The following CGGBP1 variants were observed in gnomAD, a reference collection of about 807,000 sequenced individuals.
CGGBP1 encodes the protein CGG triplet repeat-binding protein 1.
In CGGBP1, 4 loss-of-function variants were observed where a neutral mutation model predicts 11.4. The observed-to-expected ratio is 0.35, with a 90% CI of 0.17 to 0.80. The LOEUF (loss-of-function observed/expected upper bound fraction) is 0.80. CGGBP1 is among the 30% of genes least tolerant of loss of function. The pLI is 0.52. For synonymous variants in CGGBP1, 76 were observed against 74.1 expected (o/e 1.03, Z -0.13); for missense variants, 135 against 202.1 (o/e 0.67, Z 2.01).
intron 1 of CGGBP1, among the ~76,000 whole-genome samples, chr3:88,145,507 A>G (rs1216658640): frequency 6.6e-6 from 1 of 152,092 alleles, no homozygotes; most frequent in Non-Finnish European, 1.5e-5. Flanking sequence ...TATTTGGACA[A>G]AGTTATTGGG....
chr3:88,060,700 A>G (rs1706824104), upstream of CGGBP1, among the ~76,000 whole-genome samples: 1 of 152,200 alleles, frequency 6.6e-6, no homozygotes, highest in African/African-American at 2.4e-5. Flanking sequence ...TCGTTCTGAT[A>G]ACAAGTAGGA....
intron 2 of CGGBP1, among the ~76,000 whole-genome samples, chr3:88,068,839 C>G (rs1403610089): frequency 1.3e-5 from 2 of 152,142 alleles, no homozygotes; most frequent in Admixed American, 1.3e-4. Context: ...ATGTGATAAT[C>G]AGACTGTAAC....
In CGGBP1 at chr3:88,088,761, TATGG is replaced by T. The variant is rs931246026; in HGVS notation, c.-228-30542_-228-30539del. 9.0e-3 allele frequency among the ~76,000 whole-genome samples: 1,142 copies of T among 126,472 alleles called. 8 individuals carry two copies. The highest frequency in any genetic ancestry group is 0.017 in the African/African-American group (554 of 33,430). 83.0% of individuals were successfully genotyped at this position (126,472 alleles called of 152,430 possible). On this transcript the variant is annotated intron_variant, in intron 2 of 3. Coordinates refer to the CGGBP1 transcript ENST00000462901. Reference sequence around the variant, plus strand: ...ACCTTTATTTATGTATGTATGTATGTATGGATGGATGGATGGATGGATGGATGGA... The same window carrying T: ...ACCTTTATTTATGTATGTATGTATGTATGGATGGATGGATGGATGGATGGA...
chr3:88,085,810 T>C (rs1708308891), intron 2 of CGGBP1, among the ~76,000 whole-genome samples: 1 of 152,228 alleles, frequency 6.6e-6, no homozygotes, highest in Non-Finnish European at 1.5e-5. Context: ...TATCATGTCA[T>C]ATATCTTTTG....
In CGGBP1 at chr3:88,140,508, G is replaced by C. The variant is rs768000896; in HGVS notation, c.-229+462C>G. ...AGTTCAGAATGGAAACGAACGTTCT[G>C]ATGACACTGTTTCAAATATAAGCTT... is the stretch of plus-strand genomic sequence containing the variant. On this transcript the variant is annotated intron_variant, in intron 2 of 3. Transcript: ENST00000462901. The C allele has an allele frequency of 3.1e-5, 50 of 1,613,628 alleles. No homozygotes were observed. The Admixed American group carries it at 5.8e-4, about 19-fold the overall frequency.
chr3:88,057,198 T>C lies in CGGBP1; in HGVS notation c.-31A>G, dbSNP rs527790025. ...TATTCCATGAATACATACTAGAGAATAGCTGGGTAACATGAACTCTCTTTC... is the reference window on the plus strand; with the variant it reads ...TATTCCATGAATACATACTAGAGAACAGCTGGGTAACATGAACTCTCTTTC... On this transcript the variant is annotated 5_prime_UTR_variant, in exon 3 of 4. Coordinates refer to ENST00000482016, the MANE Select transcript of CGGBP1 (RefSeq NM_001008390.2). 22 of 152,334 alleles carry C rather than the reference T, an allele frequency of 1.4e-4. No homozygotes were observed. The highest frequency in any genetic ancestry group is 5.3e-4 in the African/African-American group (22 of 41,580). 9.4% of individuals were successfully genotyped at this position (152,334 alleles called of 1,614,324 possible).
chr3:88,129,063 A>G, intron 2 of CGGBP1: 1 of 1,356,104 alleles, frequency 7.4e-7, no homozygotes, highest in African/African-American at 1.5e-5. Context: ...TACCAAAAAA[A>G]AACCAAAAAA....
chr3:88,082,274 G>A (rs575341317), intron 2 of CGGBP1, among the ~76,000 whole-genome samples: 13 of 152,094 alleles, frequency 8.5e-5, no homozygotes, highest in East Asian at 5.8e-4. Flanking sequence ...CTACAGGCGC[G>A]TGCCACCACG....
In CGGBP1 at chr3:88,088,740, TTATTTATG is replaced by T. The variant is rs1346975791; in HGVS notation, c.-228-30525_-228-30518del. Among the ~76,000 whole-genome samples, 73 of 94,812 alleles carry T rather than the reference TTATTTATG, an allele frequency of 7.7e-4. No homozygotes were observed. In the South Asian group the frequency reaches 0.023, roughly 30 times the overall value. The allele number at this position is 94,812 out of a possible 152,430, so 62.2% of individuals were successfully genotyped here. ...AGTGAGGCAGTTTAAAAAAAAACCTTTATTTATGTATGTATGTATGTATGGATGGATGG... is the reference window on the plus strand; with the variant it reads ...AGTGAGGCAGTTTAAAAAAAAACCTTTATGTATGTATGTATGGATGGATGG... On this transcript the variant is annotated intron_variant, in intron 2 of 3. Transcript: ENST00000462901.
chr3:88,068,640 A>G (rs9821517), intron 2 of CGGBP1, among the ~76,000 whole-genome samples: 119,211 of 152,178 alleles, frequency 0.78, 47,617 homozygotes, highest in South Asian at 0.91. Context: ...TGCTTTATAT[A>G]TGTATATGCT....
intron 2 of CGGBP1, among the ~76,000 whole-genome samples, chr3:88,117,140 G>A (rs889721783): frequency 1.3e-5 from 2 of 152,264 alleles, no homozygotes; most frequent in South Asian, 2.1e-4. Flanking sequence ...CAAATTGAAA[G>A]TACAGTGAAG....
intron 2 of CGGBP1, among the ~76,000 whole-genome samples, chr3:88,088,804 G>T (rs1213890784): frequency 6.7e-6 from 1 of 149,450 alleles, no homozygotes; most frequent in East Asian, 2.0e-4. Flanking sequence ...ATGGAGTCTG[G>T]CTCTGTCGCC....
chr3:88,098,193 C>CT (rs1295147649), intron 2 of CGGBP1, among the ~76,000 whole-genome samples: 7 of 152,278 alleles, frequency 4.6e-5, no homozygotes, highest in Admixed American at 4.6e-4. Context: ...TCAGAGAATA[C>CT]TATAAACACC....
At chr3:88,063,149 C>G (rs1235303357), upstream of CGGBP1, among the ~76,000 whole-genome samples, 1 of 152,114 alleles carries the variant, frequency 6.6e-6, no homozygotes, top group African/African-American at 2.4e-5. Flanking sequence ...CTGCTGACAT[C>G]TAGTGCATGG....
upstream of CGGBP1, among the ~76,000 whole-genome samples, chr3:88,062,607 GT>G (rs1283272075): frequency 6.6e-6 from 1 of 152,070 alleles, no homozygotes; most frequent in Non-Finnish European, 1.5e-5. Flanking sequence ...TGAATTTTTT[GT>G]CATAAATTGA....
At chr3:88,108,370 G>A (rs371492449) in intron 2 of CGGBP1, among the ~76,000 whole-genome samples, 163 of 152,180 alleles carry the variant, frequency 1.1e-3, no homozygotes, top group African/African-American at 3.9e-3. Context: ...ATCATTAAAG[G>A]TACCTAGTGA....
chr3:88,114,554 AT>A (rs1157351412), intron 2 of CGGBP1, among the ~76,000 whole-genome samples: 1 of 152,108 alleles, frequency 6.6e-6, no homozygotes, highest in Non-Finnish European at 1.5e-5. Context: ...ATCCTGGCTG[AT>A]TCTAATTTCC....
chr3:88,133,254 A>G (rs77074982), intron 2 of CGGBP1, among the ~76,000 whole-genome samples: 7,342 of 152,224 alleles, frequency 0.048, 261 homozygotes, highest in Non-Finnish European at 0.076. Flanking sequence ...CTAGAAAAGC[A>G]TGGCTCATTG....
chr3:88,079,202 A>G (rs1417476064), intron 2 of CGGBP1, among the ~76,000 whole-genome samples: 61 of 152,104 alleles, frequency 4.0e-4, no homozygotes, highest in Admixed American at 4.0e-3. Context: ...TAGTCCAACT[A>G]ATTCTGACTA....
Sources: gnomAD v4.1 joint callset for allele counts (sites outside exome capture counted in the v4.1 genomes callset) on GRCh38, gnomAD v4.1.1 for gene constraint, MANE v1.5 for transcripts, NCBI Gene and HGNC (gene_info 2026-07-23, HGNC 2026-07-21) for gene names.